PPP3CA: variants seen among roughly 807,000 people sequenced by gnomAD.
The protein encoded by PPP3CA is protein phosphatase 3 catalytic subunit alpha.
PPP3CA carries 14 observed loss-of-function variants against 66.5 expected under a neutral mutation model. The observed-to-expected ratio is 0.21, with a 90% CI of 0.14 to 0.33. The LOEUF (loss-of-function observed/expected upper bound fraction) is 0.33, where lower values mean the gene tolerates loss of function less well. PPP3CA is among the 10% of genes least tolerant of loss of function. PPP3CA has a pLI of 1.00. For missense variants in PPP3CA, 317 were observed against 639.5 expected (o/e 0.50, Z 5.44); for synonymous variants, 232 against 226.2 (o/e 1.03, Z -0.23).
intron 1 of PPP3CA, among the ~76,000 whole-genome samples, chr4:101,342,407 A>T (rs1729845471): frequency 6.6e-6 from 1 of 152,136 alleles, no homozygotes; most frequent in Non-Finnish European, 1.5e-5. Context: ...CTTGTGTTAT[A>T]TTCACTTTAT....
At chr4:101,306,152 A>G (rs1345656129) in intron 1 of PPP3CA, among the ~76,000 whole-genome samples, 1 of 152,132 alleles carries the variant, frequency 6.6e-6, no homozygotes, top group African/African-American at 2.4e-5. Context: ...TGGAACATCT[A>G]TTGTTTGGCT....
At chr4:101,321,667 G>C (rs1729045479) in intron 1 of PPP3CA, among the ~76,000 whole-genome samples, 1 of 152,136 alleles carries the variant, frequency 6.6e-6, no homozygotes, top group Admixed American at 6.5e-5. Flanking sequence ...CAGGCATACC[G>C]AGTACCAGTG....
At chr4:101,165,490 T>TA (rs1723665488) in intron 2 of PPP3CA, among the ~76,000 whole-genome samples, 1 of 152,168 alleles carries the variant, frequency 6.6e-6, no homozygotes, top group African/African-American at 2.4e-5. Context: ...TACAGTCCCC[T>TA]AACCTTTTAA....
At chr4:101,058,790 G>A (rs1011362304) in intron 10 of PPP3CA, among the ~76,000 whole-genome samples, 2 of 152,132 alleles carry the variant, frequency 1.3e-5, no homozygotes, top group African/African-American at 4.8e-5. Context: ...TAACTGTGCA[G>A]GAATAACATG....
chr4:101,058,628 A>G (rs947811654), intron 10 of PPP3CA, among the ~76,000 whole-genome samples: 1 of 152,218 alleles, frequency 6.6e-6, no homozygotes, highest in East Asian at 1.9e-4. Context: ...TTAAAAAGCA[A>G]TTGGTGGTGA....
chr4:101,094,025 A>G (rs538490134), intron 5 of PPP3CA, 110 bp from the exon 6 acceptor site: 6 of 1,009,192 alleles, frequency 5.9e-6, no homozygotes, highest in Non-Finnish European at 8.2e-6. Flanking sequence ...CCCCAGCTAC[A>G]GCTCAGGGTG....
At chr4:101,213,965 T>A (rs1298870811) in intron 1 of PPP3CA, among the ~76,000 whole-genome samples, 1 of 152,046 alleles carries the variant, frequency 6.6e-6, no homozygotes, top group Non-Finnish European at 1.5e-5. Flanking sequence ...AGTGACAGGG[T>A]TGCCACAGAT....
Position 101,046,270 on chromosome 4 carries a change from A to G in PPP3CA, c.1157-5704T>C, listed in dbSNP as rs191301664. ...GAAATAAAAACGACCAGTTTGAAAAAATTATACTTAAATATCTTCTGAAAA... is the reference window on the plus strand; with the variant it reads ...GAAATAAAAACGACCAGTTTGAAAAGATTATACTTAAATATCTTCTGAAAA... On this transcript the variant is annotated intron_variant, in intron 10 of 13. Transcript: ENST00000394854. Among the ~76,000 whole-genome samples the G allele has an allele frequency of 9.9e-5, 15 of 152,264 alleles. No homozygotes were observed. The East Asian group carries it at 2.9e-3, about 29-fold the overall frequency.
chr4:101,189,940 C>G (rs141364194), intron 2 of PPP3CA, among the ~76,000 whole-genome samples: 1 of 151,828 alleles, frequency 6.6e-6, no homozygotes, highest in African/African-American at 2.4e-5. Context: ...ATACATGTTA[C>G]TGACTCAGAA....
chr4:101,336,265 A>G (rs1729631202), intron 1 of PPP3CA, among the ~76,000 whole-genome samples: 1 of 151,444 alleles, frequency 6.6e-6, no homozygotes, highest in Admixed American at 6.6e-5. Flanking sequence ...AGGAATAGCT[A>G]GAAGACTTAA....
intron 8 of PPP3CA, among the ~76,000 whole-genome samples, chr4:101,063,920 G>T (rs538100608): frequency 6.6e-6 from 1 of 151,636 alleles, no homozygotes; most frequent in Admixed American, 6.6e-5. Context: ...ATCAGATCAG[G>T]GTAATTAGCT....
intron 1 of PPP3CA, among the ~76,000 whole-genome samples, chr4:101,273,037 C>T (rs1386223470): frequency 1.3e-5 from 2 of 152,142 alleles, no homozygotes; most frequent in African/African-American, 4.8e-5. Flanking sequence ...ATTTGAAGTA[C>T]TATAAGACCT....
chr4:101,046,508 AT>A (rs1393629008), intron 10 of PPP3CA, among the ~76,000 whole-genome samples: 2 of 152,014 alleles, frequency 1.3e-5, no homozygotes, highest in East Asian at 3.8e-4. Context: ...TGAAATATAT[AT>A]AAAAAGTATA....
At chr4:101,147,981 C>T (rs1723021488) in intron 2 of PPP3CA, among the ~76,000 whole-genome samples, 1 of 152,132 alleles carries the variant, frequency 6.6e-6, no homozygotes, top group Non-Finnish European at 1.5e-5. Context: ...TAGACACAAT[C>T]AGGTAATTTC....
chr4:101,198,375 G>A (rs1331585943), intron 1 of PPP3CA, among the ~76,000 whole-genome samples: 5 of 152,200 alleles, frequency 3.3e-5, no homozygotes, highest in Non-Finnish European at 7.3e-5. Context: ...TGCAGACCAT[G>A]AGTCAAGATA....
intron 2 of PPP3CA, among the ~76,000 whole-genome samples, chr4:101,149,890 C>G (rs779667647): frequency 1.3e-5 from 2 of 152,116 alleles, no homozygotes; most frequent in Non-Finnish European, 2.9e-5. Flanking sequence ...TTATTTAAAA[C>G]TTCACAATAA....
intron 2 of PPP3CA, among the ~76,000 whole-genome samples, chr4:101,128,683 GA>G (rs1180944152): frequency 6.6e-6 from 1 of 151,958 alleles, no homozygotes; most frequent in Non-Finnish European, 1.5e-5. Context: ...AAGCCTTGAG[GA>G]ACTGTGCTGT....
chr4:101,322,648 G>A (rs1296086285), intron 1 of PPP3CA, among the ~76,000 whole-genome samples: 4 of 152,082 alleles, frequency 2.6e-5, no homozygotes, highest in African/African-American at 9.7e-5. Flanking sequence ...GACCTCAGGT[G>A]ATCCGTCCGA....
chr4:101,138,297 C>A (rs1464913796), intron 2 of PPP3CA, among the ~76,000 whole-genome samples: 3 of 152,074 alleles, frequency 2.0e-5, no homozygotes, highest in African/African-American at 7.2e-5. Flanking sequence ...TCCTTAAGTG[C>A]ATAATTTTTG....
Sources: allele counts gnomAD v4.1 joint callset (sites outside exome capture counted in the v4.1 genomes callset), GRCh38; gene constraint gnomAD v4.1.1; transcripts MANE v1.5; gene names NCBI Gene and HGNC (gene_info 2026-07-23, HGNC 2026-07-21).